The following RBPJ variants were observed in gnomAD, a reference collection of about 807,000 sequenced individuals.
RBPJ encodes recombination signal binding protein for immunoglobulin kappa J region.
RBPJ carries 9 observed loss-of-function variants against 67.8 expected under a neutral mutation model. The ratio of observed to expected loss-of-function variants is 0.13; its 90% CI spans 0.08 to 0.23. RBPJ has a LOEUF of 0.23. Among genes scored for constraint, RBPJ ranks in the 10% least tolerant of loss-of-function variants. The probability of loss-of-function intolerance (pLI) is 1.00; values close to 1 mark genes in which losing one functional copy is unlikely to be tolerated. For synonymous variants in RBPJ, 198 were observed against 203.3 expected (o/e 0.97, Z 0.22); for missense variants, 305 against 595.6 (o/e 0.51, Z 5.08).
chr4:26,140,197 GGCATCCC>G, the RBPJ span, among the ~76,000 whole-genome samples: 2 of 152,040 alleles, frequency 1.3e-5, no homozygotes, highest in Admixed American at 6.5e-5. Flanking sequence ...AGCCTTGATT[GGCATCCC>G]CTAGGCTGCT....
At chr4:26,298,397 A>C (rs759435062) in intron 1 of RBPJ, among the ~76,000 whole-genome samples, 54 of 152,188 alleles carry the variant, frequency 3.5e-4, no homozygotes, top group Non-Finnish European at 6.5e-4. Context: ...AAAATCCAGA[A>C]ACTATTGTAA....
chr4:26,423,511 T>C (rs1735349221), intron 5 of RBPJ, among the ~76,000 whole-genome samples: 1 of 152,198 alleles, frequency 6.6e-6, no homozygotes, highest in Admixed American at 6.5e-5. Flanking sequence ...GATTTAAGTT[T>C]GTTGTCCTTT....
chr4:26,253,353 C>A lies in RBPJ; in HGVS notation c.-167+89739C>A, dbSNP rs564610227. 8.4e-4 allele frequency among the ~76,000 whole-genome samples: 121 copies of A among 144,000 alleles called. 1 individual carries two copies. Among genetic ancestry groups the A allele is most frequent in the African/African-American group, 3.2e-3 (117 of 36,372 alleles). The allele number at this position is 144,000 out of a possible 152,430, so 94.5% of individuals were successfully genotyped here. A position where few individuals can be genotyped will look rare whatever the true frequency, so the allele number is the denominator to read the frequency against. ...TTGAGACGGAGTCTCGCTCTGTCGC[C>A]CAGGCTGGAGTGCAGTGGCGCAATC... On this transcript the variant is annotated intron_variant, in intron 1 of 4. Transcript: ENST00000512351.
chr4:26,351,937 A>G (rs1726850018), intron 1 of RBPJ, among the ~76,000 whole-genome samples: 1 of 152,036 alleles, frequency 6.6e-6, no homozygotes, highest in African/African-American at 2.4e-5. Flanking sequence ...GTGTGCTAAG[A>G]GCTGCTTTGG....
At chr4:26,409,302 C>T (rs894505716) in intron 3 of RBPJ, among the ~76,000 whole-genome samples, 3 of 151,940 alleles carry the variant, frequency 2.0e-5, no homozygotes, top group African/African-American at 7.3e-5. Context: ...CATGGTGGCT[C>T]ATGCCTGTAA....
chr4:26,187,557 A>G (rs1717318224), intron 1 of RBPJ, among the ~76,000 whole-genome samples: 1 of 152,236 alleles, frequency 6.6e-6, no homozygotes, highest in Non-Finnish European at 1.5e-5. Context: ...ATAATATTTA[A>G]AGTAATTTTA....
rs565522450 is a variant in RBPJ, at chr4:26,207,280, G to C, written c.-167+43666G>C. The stretch of plus-strand genomic sequence containing the variant: ...AAGCCGGGTTTAGGATGGAGAACCA[G>C]GGTGGGATAATAATGAGATTTATGA... On this transcript the variant is annotated intron_variant, in intron 1 of 4. Coordinates refer to the RBPJ transcript ENST00000512351. 3.3e-5 allele frequency among the ~76,000 whole-genome samples: 5 copies of C among 152,244 alleles called. No homozygotes were observed. In the East Asian group the frequency reaches 9.6e-4, roughly 29 times the overall value.
chr4:26,246,000 G>A (rs1719916247), intron 1 of RBPJ, among the ~76,000 whole-genome samples: 1 of 152,178 alleles, frequency 6.6e-6, no homozygotes. Context: ...GAAAGGGTAA[G>A]TCTCCAAACT....
chr4:26,181,328 A>T (rs1356246270), intron 1 of RBPJ, among the ~76,000 whole-genome samples: 1 of 152,226 alleles, frequency 6.6e-6, no homozygotes, highest in African/African-American at 2.4e-5. Flanking sequence ...CAAAATTTTA[A>T]TCTCTGATTT....
chr4:26,210,474 C>T (rs1356242528), intron 1 of RBPJ, among the ~76,000 whole-genome samples: 2 of 152,068 alleles, frequency 1.3e-5, no homozygotes, highest in African/African-American at 2.4e-5. Context: ...CCATTCCCAT[C>T]GCATCAAAAA....
chr4:26,224,441 A>G (rs1719017721), intron 1 of RBPJ, among the ~76,000 whole-genome samples: 1 of 152,160 alleles, frequency 6.6e-6, no homozygotes, highest in Non-Finnish European at 1.5e-5. Flanking sequence ...CGGGGGAACC[A>G]GCTCCCAATA....
At chr4:26,244,412 T>TATATGTATGCATATGTGTGTAC (rs1560226552) in intron 1 of RBPJ, among the ~76,000 whole-genome samples, 1 of 592 alleles carries the variant, frequency 1.7e-3, no homozygotes, top group Admixed American at 8.6e-3. Flanking sequence ...TATGTGTGTA[T>TATATGTATGCATATGTGTGTAC]ACATATGTGT....
intron 1 of RBPJ, among the ~76,000 whole-genome samples, chr4:26,372,328 A>G (rs1729237730): frequency 6.6e-6 from 1 of 152,226 alleles, no homozygotes; most frequent in Non-Finnish European, 1.5e-5. Context: ...TGACTTTAGG[A>G]AACATGCCTG....
At chr4:26,257,080 G>T (rs901300026) in intron 1 of RBPJ, among the ~76,000 whole-genome samples, 1 of 152,268 alleles carries the variant, frequency 6.6e-6, no homozygotes, top group East Asian at 1.9e-4. Context: ...TCATTGTTAC[G>T]TTGTTGTTGT....
rs183336899 is a variant in RBPJ, at chr4:26,219,713, G to A, written c.-167+56099G>A. On this transcript the variant is annotated intron_variant, in intron 1 of 4. Coordinates refer to the RBPJ transcript ENST00000512351. Reference sequence around the variant, plus strand: ...CCATATTTTGCAGACAAAGAAACAGGTTAAAATGACTAAATCCAAGTCACA... The same window carrying A: ...CCATATTTTGCAGACAAAGAAACAGATTAAAATGACTAAATCCAAGTCACA... 2.0e-5 allele frequency among the ~76,000 whole-genome samples: 3 copies of A among 152,212 alleles called. No individual in the cohort carries two copies. The East Asian group carries it at 5.8e-4, about 29-fold the overall frequency.
At chr4:26,140,405 A>C in the RBPJ span, among the ~76,000 whole-genome samples, 3 of 152,204 alleles carry the variant, frequency 2.0e-5, no homozygotes, top group African/African-American at 7.2e-5. Context: ...TGAAGAGTAC[A>C]TGGCTTGGTT....
chr4:26,289,139 G>A (rs1029955756), intron 1 of RBPJ, among the ~76,000 whole-genome samples: 1 of 150,638 alleles, frequency 6.6e-6, no homozygotes, highest in African/African-American at 2.4e-5. Context: ...GCTCATGCCT[G>A]TAATCCCAGC....
At chr4:26,207,404 C>G (rs142881087) in intron 1 of RBPJ, among the ~76,000 whole-genome samples, 2 of 152,104 alleles carry the variant, frequency 1.3e-5, no homozygotes, top group Non-Finnish European at 2.9e-5. Flanking sequence ...CAGTCTTCCC[C>G]GCAAAGCACC....
At chr4:26,356,365 G>C (rs756148861) in intron 1 of RBPJ, among the ~76,000 whole-genome samples, 1 of 152,218 alleles carries the variant, frequency 6.6e-6, no homozygotes, top group Non-Finnish European at 1.5e-5. Flanking sequence ...GTCAGAGCTA[G>C]ATCAGGCCAA....
Sources: allele counts gnomAD v4.1 joint callset (sites outside exome capture counted in the v4.1 genomes callset), GRCh38; gene constraint gnomAD v4.1.1; transcripts MANE v1.5; gene names NCBI Gene and HGNC (gene_info 2026-07-23, HGNC 2026-07-21).